The following TOX variants were observed in gnomAD, a reference collection of about 807,000 sequenced individuals.
The protein encoded by TOX is thymocyte selection associated high mobility group box, also known as thymocyte selection-associated high mobility group box protein TOX.
Under a neutral mutation model 53.7 loss-of-function variants are expected in TOX, and 11 were observed. The observed-to-expected ratio is 0.20, with a 90% CI of 0.13 to 0.34. The LOEUF is 0.34. Among genes scored for constraint, TOX ranks in the 10% least tolerant of loss-of-function variants. The probability of loss-of-function intolerance (pLI) is 1.00; values close to 1 mark genes in which losing one functional copy is unlikely to be tolerated. For missense variants in TOX, 570 were observed against 664.6 expected (o/e 0.86, Z 1.56); for synonymous variants, 225 against 245.3 (o/e 0.92, Z 0.77).
intron 3 of TOX, among the ~76,000 whole-genome samples, chr8:58,894,568 C>T (rs972855611): frequency 2.6e-5 from 4 of 152,130 alleles, no homozygotes; most frequent in African/African-American, 7.2e-5. Context: ...GTTGTCTTTC[C>T]TAATATGTGC....
At chr8:59,082,890 A>G (rs1215661990) in intron 1 of TOX, among the ~76,000 whole-genome samples, 1 of 152,216 alleles carries the variant, frequency 6.6e-6, no homozygotes, top group African/African-American at 2.4e-5. Context: ...CTGAAATTAG[A>G]GAAGCACCGT....
At chr8:58,823,490 C>G (rs1322679974) in intron 6 of TOX, among the ~76,000 whole-genome samples, 3 of 152,178 alleles carry the variant, frequency 2.0e-5, no homozygotes, top group Non-Finnish European at 4.4e-5. Context: ...TCCCAAAGTG[C>G]TGGGATTACA....
intron 1 of TOX, among the ~76,000 whole-genome samples, chr8:58,981,428 C>A (rs1043577071): frequency 6.6e-6 from 1 of 152,088 alleles, no homozygotes; most frequent in Admixed American, 6.6e-5. Context: ...CCTCCATCTG[C>A]CTTACCCTTC....
chr8:58,850,775 T>A (rs1810799920), intron 4 of TOX, among the ~76,000 whole-genome samples: 1 of 152,218 alleles, frequency 6.6e-6, no homozygotes, highest in Non-Finnish European at 1.5e-5. Flanking sequence ...TGAATCACTA[T>A]CTGGACTGAA....
chr8:59,053,070 C>A (rs1803822227), intron 1 of TOX, among the ~76,000 whole-genome samples: 1 of 152,130 alleles, frequency 6.6e-6, no homozygotes, highest in Non-Finnish European at 1.5e-5. Context: ...ATGCCCTTGA[C>A]ATTTCTTGGA....
At chr8:58,853,252 C>T (rs1398962847) in intron 3 of TOX, among the ~76,000 whole-genome samples, 2 of 152,172 alleles carry the variant, frequency 1.3e-5, no homozygotes, top group Non-Finnish European at 2.9e-5. Context: ...ATGATTTGTA[C>T]CTGCCTTTTC....
chr8:59,118,302 C>T lies in TOX; in HGVS notation c.102+584G>A, dbSNP rs1376481307. 1.3e-5 allele frequency among the ~76,000 whole-genome samples: 2 copies of T among 152,262 alleles called. No homozygotes were observed. The highest frequency in any genetic ancestry group is 6.5e-5 in the Admixed American group (1 of 15,292). On this transcript the variant is annotated intron_variant, in intron 1 of 8. Transcript: ENST00000361421. This position sits in a 1 kb window ranked among gnomAD's most constrained non-coding sequence, Gnocchi z 4.1. Reference sequence around the variant, plus strand: ...ACCCCGCTGTGCTCTGGCCCGCGGACCTGTGTCCGAACCCGGGCTCGGCTG... The same window carrying T: ...ACCCCGCTGTGCTCTGGCCCGCGGATCTGTGTCCGAACCCGGGCTCGGCTG...
At chr8:59,015,175 C>T (rs1813984248) in intron 1 of TOX, among the ~76,000 whole-genome samples, 1 of 152,186 alleles carries the variant, frequency 6.6e-6, no homozygotes, top group Non-Finnish European at 1.5e-5. Context: ...TCAGGCAGTT[C>T]CCTGGTAACA....
chr8:59,037,111 C>T (rs369804004), intron 1 of TOX, among the ~76,000 whole-genome samples: 2 of 150,580 alleles, frequency 1.3e-5, no homozygotes, highest in Non-Finnish European at 2.9e-5. Context: ...ATCCAGATGG[C>T]GTTTGTATTG....
At chr8:58,982,151 C>T (rs990257608) in intron 1 of TOX, among the ~76,000 whole-genome samples, 5 of 152,052 alleles carry the variant, frequency 3.3e-5, no homozygotes, top group Admixed American at 2.6e-4. Context: ...GTGCTGTCTT[C>T]TCCTCTCCTT....
At chr8:58,818,119 GCT>G (rs1810211197) in intron 6 of TOX, among the ~76,000 whole-genome samples, 1 of 152,124 alleles carries the variant, frequency 6.6e-6, no homozygotes, top group South Asian at 2.1e-4. Flanking sequence ...ACCTTGTAAA[GCT>G]CTCTTTTTTC....
At chr8:58,865,018 C>T (rs1003897745) in intron 3 of TOX, among the ~76,000 whole-genome samples, 1 of 152,124 alleles carries the variant, frequency 6.6e-6, no homozygotes, top group African/African-American at 2.4e-5. Flanking sequence ...GCTTTCCCTA[C>T]ATTCAGTTTT....
chr8:58,881,790 T>G lies in TOX; in HGVS notation c.412-29985A>C, dbSNP rs142172481. 4.7e-3 allele frequency among the ~76,000 whole-genome samples: 706 copies of G among 149,918 alleles called. 5 individuals carry two copies. Among genetic ancestry groups the G allele is most frequent in the African/African-American group, 0.016 (667 of 40,678 alleles). ...AAAGTCTAGTTTAGGAAAGGTGACA[T>G]GCACACCAAGCCGCAGTATCAGGAG... is the stretch of plus-strand genomic sequence containing the variant. On this transcript the variant is annotated intron_variant, in intron 3 of 8. Coordinates refer to ENST00000361421, the MANE Select transcript of TOX (RefSeq NM_014729.3).
chr8:58,952,754 C>A (rs769611465), intron 2 of TOX, among the ~76,000 whole-genome samples: 20 of 152,150 alleles, frequency 1.3e-4, no homozygotes, highest in Non-Finnish European at 2.8e-4. Context: ...TAATACTTGA[C>A]AAAACATACT....
intron 4 of TOX, among the ~76,000 whole-genome samples, chr8:58,838,596 C>A (rs1810589222): frequency 2.6e-5 from 4 of 151,538 alleles, no homozygotes; most frequent in Non-Finnish European, 5.9e-5. Context: ...ACATTCCTAA[C>A]TTTTTCTCTT....
At chr8:59,037,805 A>AAAAC (rs1280285125) in intron 1 of TOX, among the ~76,000 whole-genome samples, 5 of 132,970 alleles carry the variant, frequency 3.8e-5, no homozygotes, top group African/African-American at 1.2e-4. Flanking sequence ...CCATCTCAAA[A>AAAAC]AAAAAAAAAA....
chr8:58,947,983 A>G (rs1290853358), intron 2 of TOX, among the ~76,000 whole-genome samples: 1 of 152,232 alleles, frequency 6.6e-6, no homozygotes, highest in Non-Finnish European at 1.5e-5. Flanking sequence ...AATCAAAGCA[A>G]ACTTCAGGCT....
chr8:59,048,025 C>A (rs1251585041), intron 1 of TOX, among the ~76,000 whole-genome samples: 3 of 151,948 alleles, frequency 2.0e-5, no homozygotes. Context: ...AGTAATGTAC[C>A]TTCAGGACAT....
intron 3 of TOX, among the ~76,000 whole-genome samples, chr8:58,910,192 AATAT>A (rs1439801922): frequency 2.0e-5 from 3 of 152,320 alleles, no homozygotes; most frequent in South Asian, 4.2e-4. Flanking sequence ...AAATCGTAAA[AATAT>A]ATAGTTGTAT....
Sources: allele counts gnomAD v4.1 joint callset (sites outside exome capture counted in the v4.1 genomes callset), GRCh38; gene constraint gnomAD v4.1.1; non-coding constraint Gnocchi (gnomAD v3.1); transcripts MANE v1.5; gene names NCBI Gene and HGNC (gene_info 2026-07-23, HGNC 2026-07-21).